Variants in MPP1 observed in about 807,000 individuals in gnomAD.
The protein encoded by MPP1 is 55 kDa erythrocyte membrane protein.
Under a neutral mutation model 38.2 loss-of-function variants are expected in MPP1, and 6 were observed. The observed-to-expected ratio is 0.16, with a 90% CI of 0.09 to 0.31. The LOEUF is 0.31. MPP1 is among the 10% of genes least tolerant of loss of function. The pLI is 1.00. For synonymous variants in MPP1, 153 were observed against 146.3 expected (o/e 1.05, Z -0.33); for missense variants, 293 against 368.9 (o/e 0.79, Z 1.69).
At chrX:154,801,207 G>A (rs1278894811) in intron 1 of MPP1, among the ~76,000 whole-genome samples, 1 of 112,143 alleles carries the variant, frequency 8.9e-6, no homozygotes, top group African/African-American at 3.3e-5. Context: ...ACTTAGCGGC[G>A]AGGTATTACT....
chrX:154,789,118 C>T (rs782316120), intron 5 of MPP1, among the ~76,000 whole-genome samples: 1 of 111,756 alleles, frequency 8.9e-6, no homozygotes, highest in Admixed American at 9.5e-5. Flanking sequence ...GATTTGTGCC[C>T]TTTGTTGAAT....
At chrX:154,800,025 G>C (rs1278271728) in intron 1 of MPP1, 1 of 493,494 alleles carries the variant, frequency 2.0e-6, no homozygotes, top group Non-Finnish European at 3.1e-6. Flanking sequence ...ACATAGGAAA[G>C]AACAAATATT....
intron 1 of MPP1, among the ~76,000 whole-genome samples, 155 bp downstream of exon 1, chrX:154,805,112 GCTGGC>G (rs1302687709): frequency 2.7e-5 from 3 of 113,034 alleles, no homozygotes; most frequent in Non-Finnish European, 5.6e-5. Context: ...CCGGCCGCGC[GCTGGC>G]CTTGTCCTCA....
rs1376165795 is a variant in MPP1 at position 154,778,855 on chromosome X, G to A, written c.*322C>T. 7.6e-6 allele frequency: 2 copies of A among 262,595 alleles called. No homozygotes were observed. The highest frequency in any genetic ancestry group is 1.3e-4 in the East Asian group (2 of 15,945). 21.6% of individuals were successfully genotyped at this position (262,595 alleles called of 1,213,427 possible). ...AGCATATACAGTTGAAGGCAAAGGAGGGCAGGCTTTAGAGGGATGGGGTCC... is the reference window on the plus strand; with the variant it reads ...AGCATATACAGTTGAAGGCAAAGGAAGGCAGGCTTTAGAGGGATGGGGTCC... On this transcript the variant is annotated 3_prime_UTR_variant, in exon 12 of 12. Transcript: ENST00000369534.
At chrX:154,804,600 C>A in intron 1 of MPP1, 1 of 305,177 alleles carries the variant, frequency 3.3e-6, no homozygotes, top group Admixed American at 3.4e-5. Context: ...CCTTGCTGGG[C>A]CCAATCAAAA....
Position 154,778,885 on chromosome X carries a change from C to A in MPP1, c.*292G>T. 2 of 307,175 alleles carry A rather than the reference C, an allele frequency of 6.5e-6. No homozygotes were observed. The highest frequency in any genetic ancestry group is 1.0e-4 in the East Asian group (2 of 19,302). 25.3% of individuals were successfully genotyped at this position (307,175 alleles called of 1,213,427 possible). On this transcript the variant is annotated 3_prime_UTR_variant, in exon 12 of 12. Transcript: ENST00000369534. ...GGCTTTAGAGGGATGGGGTCCATTGCTTTTGCTGTGCATCACCCTTGATTA... is the reference window on the plus strand; with the variant it reads ...GGCTTTAGAGGGATGGGGTCCATTGATTTTGCTGTGCATCACCCTTGATTA...
intron 1 of MPP1, among the ~76,000 whole-genome samples, chrX:154,802,190 C>T (rs184606057): frequency 5.3e-5 from 6 of 112,568 alleles, no homozygotes; most frequent in African/African-American, 1.9e-4. Flanking sequence ...TGCAAGAGCC[C>T]ACTGTGCTGG....
At chrX:154,785,214 C>CA (rs782334725) in intron 6 of MPP1, 57 bp from the exon 7 acceptor site, 82 of 903,910 alleles carry the variant, frequency 9.1e-5, no homozygotes, top group Non-Finnish European at 1.2e-4. Flanking sequence ...TCATACCCCC[C>CA]CCAGCCACTC....
At chrX:154,803,773 T>C (rs2072290402) in intron 1 of MPP1, among the ~76,000 whole-genome samples, 1 of 112,403 alleles carries the variant, frequency 8.9e-6, no homozygotes, top group Non-Finnish European at 1.9e-5. Context: ...ATCTGTCAAA[T>C]GTCATCAAAC....
intron 1 of MPP1, among the ~76,000 whole-genome samples, chrX:154,797,256 A>G (rs1170383113): frequency 9.0e-6 from 1 of 111,577 alleles, no homozygotes; most frequent in Admixed American, 9.5e-5. Context: ...CGATCACCCT[A>G]TATCTGGGGT....
chrX:154,794,866 C>G (rs2072178098), intron 1 of MPP1, among the ~76,000 whole-genome samples: 1 of 111,467 alleles, frequency 9.0e-6, no homozygotes, highest in Admixed American at 9.5e-5. Context: ...TTTGGGAGGC[C>G]AAGGTGGGGA....
intron 10 of MPP1, 68 bp downstream of exon 10, chrX:154,781,531 AG>A (rs2072001437): frequency 9.1e-7 from 1 of 1,103,557 alleles, no homozygotes; most frequent in African/African-American, 1.8e-5. Flanking sequence ...AAGATTCCCA[AG>A]GAGCACTGTC....
Position 154,779,158 on chromosome X carries a change from G to C in MPP1, c.*19C>G, listed in dbSNP as rs1557266283. On this transcript the variant is annotated 3_prime_UTR_variant, in exon 12 of 12. Transcript: ENST00000369534. ...AATGCTGGAGAGGGGCATACAGTGG[G>C]TTCCCCCATTCTACAAGCTTAGTAA... is the stretch of plus-strand genomic sequence containing the variant. The C allele has an allele frequency of 1.7e-6, 2 of 1,199,203 alleles. No individual in the cohort carries two copies. The highest frequency in any genetic ancestry group is 4.5e-5 in the Admixed American group (2 of 44,863).
chrX:154,779,273 G>A lies in MPP1; in HGVS notation c.1305C>T (p.Val435=). 8 of 1,211,356 alleles carry A rather than the reference G, an allele frequency of 6.6e-6. No homozygotes were observed. The highest frequency in any genetic ancestry group is 8.9e-6 in the Non-Finnish European group (8 of 895,152). ...TAAGGGTTTCATCAACACCATTATT[G>A]ACCAGTGAGAGGTCAAAGTAGTGAG... ...QYAHYFDLSL[V]NNGVDETLKK... Residue 435 remains valine (V), a synonymous_variant, in exon 12 of 12, where the codon GTC becomes GTT. Transcript: ENST00000369534.
At chrX:154,784,760 C>A in intron 7 of MPP1, 1 of 385,938 alleles carries the variant, frequency 2.6e-6, no homozygotes, top group Non-Finnish European at 4.8e-6. Context: ...CTCCCTCTGG[C>A]CTGTGTTCTT....
chrX:154,784,784 T>C (rs1240617022), intron 7 of MPP1: 5 of 412,543 alleles, frequency 1.2e-5, no homozygotes, highest in Non-Finnish European at 2.2e-5. Context: ...TCACTTCCCC[T>C]CTCCCACCAC....
Position 154,784,040 on chromosome X carries a change from G to A in MPP1, c.853C>T (p.Leu285=). Residue 285 remains leucine (L), a synonymous_variant, in exon 8 of 12, where the codon CTG becomes TTG. Transcript: ENST00000369534. ...AATGAGAAGATACCGATCAGCACCA[G>A]GGTCTTCCTCTTGAATGCAGGGAGC... The part of the protein sequence containing the change: ...VRLPAFKRKT[L]VLIGASGVGR... The A allele has an allele frequency of 8.3e-7, 1 of 1,209,710 alleles. No individual in the cohort carries two copies. The highest frequency in any genetic ancestry group is 1.1e-6 in the Non-Finnish European group (1 of 894,113).
At chrX:154,785,411 C>T (rs2072061045) in intron 6 of MPP1, among the ~76,000 whole-genome samples, 1 of 110,756 alleles carries the variant, frequency 9.0e-6, no homozygotes, top group Admixed American at 9.6e-5. Flanking sequence ...ACAAACAACT[C>T]TCTTTCTTTG....
chrX:154,795,622 G>A (rs181627567), intron 1 of MPP1, among the ~76,000 whole-genome samples: 8 of 110,714 alleles, frequency 7.2e-5, no homozygotes, highest in Non-Finnish European at 1.5e-4. Context: ...AAAATTAGCC[G>A]GGCATGGTGG....
Sources: allele counts gnomAD v4.1 joint callset (sites outside exome capture counted in the v4.1 genomes callset), GRCh38; gene constraint gnomAD v4.1.1; transcripts MANE v1.5; gene names NCBI Gene and HGNC (gene_info 2026-07-23, HGNC 2026-07-21).